The following RSF1 variants were observed in gnomAD, a reference collection of about 807,000 sequenced individuals.
RSF1 encodes remodeling and spacing factor 1, also known as HBV pX-associated protein 8.
Under a neutral mutation model 145.2 loss-of-function variants are expected in RSF1, and 13 were observed. That is an observed-to-expected ratio of 0.09 (90% CI 0.06 to 0.14). The LOEUF (loss-of-function observed/expected upper bound fraction) is 0.14. Among genes scored for constraint, RSF1 ranks in the 10% least tolerant of loss-of-function variants. The pLI, the probability that RSF1 is intolerant of heterozygous loss-of-function variation, is 1.00. For synonymous variants in RSF1, 577 were observed against 592.6 expected (o/e 0.97, Z 0.38); for missense variants, 1,517 against 1,718.2 (o/e 0.88, Z 2.07).
At chr11:77,668,512 CTTAA>C (rs1369519303) in intron 15 of RSF1, among the ~76,000 whole-genome samples, 1 of 152,170 alleles carries the variant, frequency 6.6e-6, no homozygotes, top group Non-Finnish European at 1.5e-5. Context: ...CCTTGGTAGT[CTTAA>C]TTGTCTTCTC....
At chr11:77,798,029 G>A (rs1948589726) in intron 1 of RSF1, among the ~76,000 whole-genome samples, 1 of 152,182 alleles carries the variant, frequency 6.6e-6, no homozygotes, top group Non-Finnish European at 1.5e-5. Context: ...AGGATGTGGA[G>A]AAAATAGGAA....
At chr11:77,782,698 CACA>C (rs1162342930) in intron 1 of RSF1, among the ~76,000 whole-genome samples, 1 of 152,188 alleles carries the variant, frequency 6.6e-6, no homozygotes, top group Non-Finnish European at 1.5e-5. Context: ...TATTTTGACA[CACA>C]ACAACATGAA....
rs1959225105 is a variant in RSF1 at position 77,660,877 on chromosome 11, C to G, written c.*6040G>C. 1 of 152,084 alleles carries G rather than the reference C, an allele frequency of 6.6e-6. No individual in the cohort carries two copies. The highest frequency in any genetic ancestry group is 2.4e-5 in the African/African-American group (1 of 41,402). The allele number at this position is 152,084 out of a possible 1,614,324, so 9.4% of individuals were successfully genotyped here. A position where few individuals can be genotyped will look rare whatever the true frequency, so the allele number is the denominator to read the frequency against. ...GAATTTAATTATTTTCAAGAATACA[C>G]TTGTACTACAAAGGTGAGAAATTAG... On this transcript the variant is annotated 3_prime_UTR_variant, in exon 16 of 16. Coordinates refer to ENST00000308488, the MANE Select transcript of RSF1 (RefSeq NM_016578.4).
At position 77,773,339 on chromosome 11, in the gene RSF1, C is replaced by T. The variant is rs79636349; in HGVS notation, c.188-8650G>A. Reference sequence around the variant, plus strand: ...CAATTACATGCCCAGCACTGCACAACCACCACACTATTTCCCAATCTATTC... The same window carrying T: ...CAATTACATGCCCAGCACTGCACAATCACCACACTATTTCCCAATCTATTC... On this transcript the variant is annotated intron_variant, in intron 1 of 15. Transcript: ENST00000308488. 1.9e-3 allele frequency among the ~76,000 whole-genome samples: 291 copies of T among 152,098 alleles called. 6 individuals carry two copies. In the East Asian group the frequency reaches 0.047, roughly 25 times the overall value.
chr11:77,726,885 T>C (rs1490735710), intron 4 of RSF1, among the ~76,000 whole-genome samples: 1 of 152,244 alleles, frequency 6.6e-6, no homozygotes, highest in Non-Finnish European at 1.5e-5. Context: ...GGACAAGTTG[T>C]ATATCCTCAT....
intron 2 of RSF1, among the ~76,000 whole-genome samples, chr11:77,749,320 T>A (rs546093575): frequency 6.6e-6 from 1 of 151,940 alleles, no homozygotes; most frequent in Admixed American, 6.6e-5. Context: ...ATCTCAAATT[T>A]AAAAAAAAGA....
At chr11:77,681,569 C>T (rs1452172549) in intron 11 of RSF1, among the ~76,000 whole-genome samples, 2 of 152,158 alleles carry the variant, frequency 1.3e-5, no homozygotes, top group Non-Finnish European at 2.9e-5. Flanking sequence ...TGTAAGCCAC[C>T]ATGCCCAGCC....
chr11:77,872,157 T>G, the RSF1 span: 1 of 1,608,224 alleles, frequency 6.2e-7, no homozygotes, highest in Non-Finnish European at 8.5e-7. Flanking sequence ...CTTACTCATC[T>G]CTTTTCCACC....
Position 77,663,215 on chromosome 11 carries a change from G to C in RSF1, c.*3702C>G, listed in dbSNP as rs1008535501. On this transcript the variant is annotated 3_prime_UTR_variant, in exon 16 of 16. Transcript: ENST00000308488. The stretch of plus-strand genomic sequence containing the variant: ...ACAGTTGTGTGGTAGAATCAGCAAA[G>C]GGTTAACATCTCTTATGCCCACAAA... 1.3e-5 allele frequency: 2 copies of C among 152,102 alleles called. No homozygotes were observed. The highest frequency in any genetic ancestry group is 4.8e-5 in the African/African-American group (2 of 41,406). The allele number at this position is 152,102 out of a possible 1,614,324, so 9.4% of individuals were successfully genotyped here.
intron 1 of RSF1, among the ~76,000 whole-genome samples, chr11:77,780,972 G>A (rs564568870): frequency 1.3e-5 from 2 of 152,118 alleles, no homozygotes; most frequent in Admixed American, 1.3e-4. Flanking sequence ...CATATAATAC[G>A]AACTCTTTTT....
At chr11:77,806,020 C>T (rs1172682965) in intron 1 of RSF1, among the ~76,000 whole-genome samples, 1 of 152,158 alleles carries the variant, frequency 6.6e-6, no homozygotes, top group Non-Finnish European at 1.5e-5. Context: ...CTAGCCTTTT[C>T]TCTCACTCCC....
chr11:77,812,531 T>C (rs981935370), intron 1 of RSF1, among the ~76,000 whole-genome samples: 13 of 152,188 alleles, frequency 8.5e-5, no homozygotes, highest in African/African-American at 3.1e-4. Flanking sequence ...CTTGTTCAAC[T>C]ACAGGAGGCT....
chr11:77,815,747 T>A (rs1023277096), intron 1 of RSF1, among the ~76,000 whole-genome samples: 2 of 149,912 alleles, frequency 1.3e-5, no homozygotes, highest in African/African-American at 4.8e-5. Flanking sequence ...AATGTTTTTT[T>A]AAAAAAATAA....
At position 77,702,213 on chromosome 11, in the gene RSF1, C is replaced by T. The variant is rs771602449; in HGVS notation, c.1016G>A (p.Ser339Asn). ...CRADPKDTKSSMEKPVAQEPE... is the reference protein window; with the variant it reads ...CRADPKDTKSNMEKPVAQEPE... ...CTCCTGTGCCACTGGCTTCTCCATG[C>T]TACTTTTGGTATCTTTAGGATCTGC... is the stretch of plus-strand genomic sequence containing the variant. The change falls in exon 6 of 16, where the codon AGC (serine) becomes AAC (asparagine). Residue 339 changes from serine to asparagine, a missense_variant. By Grantham distance (46) the Ser-to-Asn change is conservative (BLOSUM62 1). Transcript: ENST00000308488. The T allele has an allele frequency of 1.9e-6, 3 of 1,614,006 alleles. No individual in the cohort carries two copies. Among genetic ancestry groups the T allele is most frequent in the Non-Finnish European group, 2.5e-6 (3 of 1,179,974 alleles).
chr11:77,828,369 A>T, the RSF1 span, among the ~76,000 whole-genome samples: 1 of 152,144 alleles, frequency 6.6e-6, no homozygotes, highest in African/African-American at 2.4e-5. Context: ...AAAAAGAAAT[A>T]CAAGAATGAA....
At chr11:77,782,190 G>C (rs1005934078) in intron 1 of RSF1, among the ~76,000 whole-genome samples, 4 of 152,110 alleles carry the variant, frequency 2.6e-5, no homozygotes, top group African/African-American at 9.7e-5. Context: ...TACCACATGT[G>C]GCTTAGTGGT....
intron 1 of RSF1, among the ~76,000 whole-genome samples, chr11:77,810,106 C>T (rs1313341033): frequency 6.6e-6 from 1 of 152,192 alleles, no homozygotes; most frequent in Non-Finnish European, 1.5e-5. Flanking sequence ...AGTCCTGTGT[C>T]CTCTAAGTAA....
chr11:77,826,405 G>A, the RSF1 span, among the ~76,000 whole-genome samples: 1 of 151,752 alleles, frequency 6.6e-6, no homozygotes, highest in African/African-American at 2.4e-5. Flanking sequence ...TATGTTTTAT[G>A]TCTTTTAGCT....
chr11:77,752,004 T>C (rs566832499), intron 2 of RSF1, among the ~76,000 whole-genome samples: 14 of 152,300 alleles, frequency 9.2e-5, no homozygotes, highest in African/African-American at 2.9e-4. Flanking sequence ...GTGCAGACTA[T>C]ATGGCAGTAA....
Sources: gnomAD v4.1 joint callset for allele counts (sites outside exome capture counted in the v4.1 genomes callset) on GRCh38, gnomAD v4.1.1 for gene constraint, MANE v1.5 for transcripts, NCBI Gene and HGNC (gene_info 2026-07-23, HGNC 2026-07-21) for gene names.